The following HEATR5A variants were observed in gnomAD, a reference collection of about 807,000 sequenced individuals.
HEATR5A encodes HEAT repeat containing 5A.
In HEATR5A, 178 loss-of-function variants were observed where a neutral mutation model predicts 218.8. That is an observed-to-expected ratio of 0.81 (90% confidence interval 0.72 to 0.92). The LOEUF is 0.92. Ranked by LOEUF, HEATR5A falls within the 40% of genes least tolerant of loss-of-function variation. The pLI is 0.00. For synonymous variants in HEATR5A, 864 were observed against 871.6 expected (o/e 0.99, Z 0.15); for missense variants, 2,420 against 2,418.9 (o/e 1.00, Z -0.01).
chr14:31,363,676 G>GT (rs1555369747), intron 14 of HEATR5A, among the ~76,000 whole-genome samples: 1 of 152,046 alleles, frequency 6.6e-6, no homozygotes. Flanking sequence ...TAAGAAGGAG[G>GT]TTTTTTAAAA....
rs761662602 is a variant in HEATR5A, at chr14:31,293,317, G to C, written c.6129C>G (p.Thr2043=). ...PGKNSSIQLK[T]SFL ...TCCAAAAAAAAAATCAGAGGAAACT[G>C]GTCTTTAATTGGATGCTTGAGTTTT... The change falls in exon 36 of 36, where the codon ACC becomes ACG. Residue 2043 remains threonine, a synonymous_variant. Transcript: ENST00000543095. The C allele has an allele frequency of 6.9e-6, 11 of 1,585,402 alleles. No homozygotes were observed. In the South Asian group the frequency reaches 1.2e-4, roughly 17 times the overall value.
chr14:31,344,424 G>A (rs1900955392), intron 20 of HEATR5A, among the ~76,000 whole-genome samples: 1 of 151,546 alleles, frequency 6.6e-6, no homozygotes, highest in Non-Finnish European at 1.5e-5. Flanking sequence ...GACTACAGGC[G>A]CACACCACCA....
chr14:31,337,595 T>A lies in HEATR5A; in HGVS notation c.3248A>T (p.Tyr1083Phe). Residue 1083 changes from tyrosine (Y) to phenylalanine (F), a missense_variant, in exon 22 of 36, where the codon TAC becomes TTC. Transcript: ENST00000543095. ...CAGTACTGCTCTTCTCAGTAACAAG[T>A]AGGGGCTACAAAGATTCACCTGAAA... ...SCLCVNLCSP[Y>F]LLLRRAVLAC... 6.2e-7 allele frequency: 1 copy of A among 1,601,626 alleles called. No individual in the cohort carries two copies. The highest frequency in any genetic ancestry group is 8.5e-7 in the Non-Finnish European group (1 of 1,174,054).
chr14:31,344,025 T>C lies in HEATR5A; in HGVS notation c.3099A>G (p.Leu1033=), dbSNP rs1360508939. The C allele has an allele frequency of 3.2e-6, 5 of 1,584,834 alleles. No homozygotes were observed. The highest frequency in any genetic ancestry group is 4.3e-6 in the Non-Finnish European group (5 of 1,166,954). ...TATCTTGCATTACTGCACAACCCAG[T>C]AGACAGGAAGTCCTTAAGGTAGAAA... ...TSISTLRTSC[L]LGCAVMQDNP... The change falls in exon 21 of 36, where the codon CTA becomes CTG. Residue 1033 remains leucine (L), a synonymous_variant. Transcript: ENST00000543095.
At position 31,386,509 on chromosome 14, in the gene HEATR5A, T is replaced by C. The variant is rs774983445; in HGVS notation, c.1256A>G (p.His419Arg). ...LGSTDVAASQ[H>R]MLVCALQELG... The stretch of plus-strand genomic sequence containing the variant: ...TTCTTGTAAAGCACAAACCAGCATA[T>C]GTTGGCTAGCGGCTACATCTGTGGA... The change falls in exon 9 of 36, where the codon CAT becomes CGT. Residue 419 changes from histidine to arginine, a missense_variant. By Grantham distance (29) the His-to-Arg change is conservative. Transcript: ENST00000543095. The C allele has an allele frequency of 1.2e-6, 2 of 1,612,174 alleles. No homozygotes were observed. The highest frequency in any genetic ancestry group is 2.2e-5 in the East Asian group (1 of 44,860).
intron 4 of HEATR5A, among the ~76,000 whole-genome samples, chr14:31,397,775 C>T (rs556775009): frequency 6.6e-6 from 1 of 152,210 alleles, no homozygotes; most frequent in African/African-American, 2.4e-5. Context: ...CCTCCTGCCT[C>T]AGTCTTCCGA....
intron 7 of HEATR5A, among the ~76,000 whole-genome samples, chr14:31,387,795 C>G (rs1022860259): frequency 4.6e-5 from 7 of 152,140 alleles, no homozygotes; most frequent in Non-Finnish European, 1.0e-4. Context: ...CTCCTGACTT[C>G]GTGATCCACC....
intron 16 of HEATR5A, among the ~76,000 whole-genome samples, chr14:31,353,362 ATAAT>A (rs1217204490): frequency 6.6e-6 from 1 of 152,186 alleles, no homozygotes; most frequent in Non-Finnish European, 1.5e-5. Context: ...TTCTGGCAAC[ATAAT>A]TTATTTAACC....
chr14:31,412,948 T>C (rs2031328701), intron 1 of HEATR5A, among the ~76,000 whole-genome samples: 1 of 152,216 alleles, frequency 6.6e-6, no homozygotes, highest in Non-Finnish European at 1.5e-5. Context: ...AAAATGCTTG[T>C]TGTACTATAT....
intron 17 of HEATR5A, 90 bp downstream of exon 17, chr14:31,350,522 T>C (rs1189148565): frequency 2.8e-6 from 2 of 705,428 alleles, no homozygotes; most frequent in Non-Finnish European, 4.8e-6. Context: ...AAAAAGAGCA[T>C]TTTAAAAACA....
intron 26 of HEATR5A, among the ~76,000 whole-genome samples, chr14:31,317,038 GT>G (rs922081517): frequency 6.6e-6 from 1 of 152,054 alleles, no homozygotes. Context: ...CTGTGTATTT[GT>G]TTAGTTCTTG....
chr14:31,345,055 AT>A, intron 20 of HEATR5A, 31 bp downstream of exon 20: 2 of 1,559,784 alleles, frequency 1.3e-6, no homozygotes, highest in East Asian at 4.5e-5. Flanking sequence ...ATTATTTTTA[AT>A]GTAAAACATC....
chr14:31,369,188 T>C (rs893009962), intron 13 of HEATR5A, among the ~76,000 whole-genome samples: 2 of 151,932 alleles, frequency 1.3e-5, no homozygotes, highest in Non-Finnish European at 2.9e-5. Context: ...TTCCAGTTAC[T>C]TGGGAGGCTT....
At chr14:31,328,981 G>A (rs1048271636) in intron 22 of HEATR5A, among the ~76,000 whole-genome samples, 12 of 152,134 alleles carry the variant, frequency 7.9e-5, no homozygotes, top group Admixed American at 2.0e-4. Flanking sequence ...AGGGGAAGAC[G>A]CATGTCTTAC....
chr14:31,400,397 C>T lies in HEATR5A; in HGVS notation c.242G>A (p.Ser81Asn). Residue 81 changes from serine to asparagine, a missense_variant, in exon 3 of 36, where the codon AGT (serine) becomes AAT (asparagine). Ser to Asn is a conservative substitution (Grantham distance 46, BLOSUM62 1). Transcript: ENST00000543095. The part of the protein sequence containing the change: ...LLAKNLAILY[S>N]IGDTFSVHEA... ...ATGAACGGAGAATGTGTCTCCAATA[C>T]TATAAAGTATGGCTAGATTCTTAGC... 2 of 1,535,586 alleles carry T rather than the reference C, an allele frequency of 1.3e-6. No individual in the cohort carries two copies. Among genetic ancestry groups the T allele is most frequent in the Non-Finnish European group, 1.7e-6 (2 of 1,146,526 alleles).
chr14:31,398,292 T>G (rs2030735290), intron 4 of HEATR5A, among the ~76,000 whole-genome samples: 1 of 152,152 alleles, frequency 6.6e-6, no homozygotes, highest in African/African-American at 2.4e-5. Flanking sequence ...CAGTAACTCA[T>G]CTATCCATAA....
intron 9 of HEATR5A, among the ~76,000 whole-genome samples, chr14:31,384,785 C>T (rs2030144413): frequency 6.6e-6 from 1 of 151,958 alleles, no homozygotes; most frequent in Non-Finnish European, 1.5e-5. Flanking sequence ...CCTCACCTTC[C>T]CAAAGTGCTG....
intron 22 of HEATR5A, among the ~76,000 whole-genome samples, chr14:31,331,070 T>C (rs984034680): frequency 6.6e-6 from 1 of 150,478 alleles, no homozygotes; most frequent in African/African-American, 2.4e-5. Flanking sequence ...GCCTCCCCAG[T>C]AGCTGGGGTT....
At chr14:31,348,433 A>G (rs1901091785) in intron 18 of HEATR5A, among the ~76,000 whole-genome samples, 1 of 152,094 alleles carries the variant, frequency 6.6e-6, no homozygotes, top group South Asian at 2.1e-4. Flanking sequence ...AATTGTTTTA[A>G]TTAACTGGGC....
Sources: allele counts gnomAD v4.1 joint callset (sites outside exome capture counted in the v4.1 genomes callset), GRCh38; gene constraint gnomAD v4.1.1; transcripts MANE v1.5; gene names NCBI Gene and HGNC (gene_info 2026-07-23, HGNC 2026-07-21).